The following SPAG17 variants were observed in gnomAD, a reference collection of about 807,000 sequenced individuals.
SPAG17 encodes sperm-associated antigen 17.
A neutral mutation model predicts 273.6 loss-of-function variants in SPAG17; 169 were observed. The observed-to-expected ratio is 0.62, with a 90% CI of 0.55 to 0.70. The LOEUF (loss-of-function observed/expected upper bound fraction) is 0.70, where lower values mean the gene tolerates loss of function less well. SPAG17 is among the 30% of genes least tolerant of loss of function. The probability of loss-of-function intolerance (pLI) is 0.00; values close to 1 mark genes in which losing one functional copy is unlikely to be tolerated. For missense variants in SPAG17, 2,557 were observed against 2,627.8 expected (o/e 0.97, Z 0.59); for synonymous variants, 825 against 873.2 (o/e 0.94, Z 0.97).
intron 20 of SPAG17, among the ~76,000 whole-genome samples, chr1:118,049,185 A>C (rs1260261738): frequency 6.6e-6 from 1 of 152,224 alleles, no homozygotes; most frequent in Non-Finnish European, 1.5e-5. Context: ...CCTATGAAAA[A>C]AATTGAAGGG....
intron 10 of SPAG17, among the ~76,000 whole-genome samples, chr1:118,090,864 CAG>C (rs1295417540): frequency 6.6e-6 from 1 of 151,896 alleles, no homozygotes; most frequent in Non-Finnish European, 1.5e-5. Context: ...GCCTAGGGGA[CAG>C]AGAGAGACCC....
At position 117,996,727 on chromosome 1, in the gene SPAG17, C is replaced by G. The variant is rs781302118; in HGVS notation, c.4793G>C (p.Ser1598Thr). 17 of 1,609,340 alleles carry G rather than the reference C, an allele frequency of 1.1e-5. No homozygotes were observed. Among genetic ancestry groups the G allele is most frequent in the Non-Finnish European group, 1.4e-5 (17 of 1,178,392 alleles). Reference protein sequence around the residue: ...GNTFQVMADGSISTILPEKKL... With the variant: ...GNTFQVMADGTISTILPEKKL... ...TTTTTCAGGTAATATAGTTGATATGCTACCATCAGCCATGACCTAAGGGAT... is the reference window on the plus strand; with the variant it reads ...TTTTTCAGGTAATATAGTTGATATGGTACCATCAGCCATGACCTAAGGGAT... Residue 1598 changes from serine to threonine, a missense_variant, in exon 33 of 49, where the codon AGC becomes ACC. Physicochemically the swap from Ser to Thr is moderately conservative, Grantham distance 58. Coordinates refer to ENST00000336338, the MANE Select transcript of SPAG17 (RefSeq NM_206996.4).
intron 36 of SPAG17, among the ~76,000 whole-genome samples, chr1:117,991,794 A>T (rs930276696): frequency 1.3e-5 from 2 of 152,198 alleles, no homozygotes; most frequent in African/African-American, 4.8e-5. Context: ...CTAACTGTGC[A>T]CTTAAGTGTC....
Position 117,966,767 on chromosome 1 carries a change from G to A in SPAG17, c.6388-14C>T. ...ACCAGCTGCCACCTATAAGACACAA[G>A]GTAGCTTTAGGACCAGACAACTCTG... On this transcript the variant is annotated splice_polypyrimidine_tract_variant and intron_variant, in intron 46 of 48. Coordinates refer to ENST00000336338, the MANE Select transcript of SPAG17 (RefSeq NM_206996.4). 6.3e-7 allele frequency: 1 copy of A among 1,599,926 alleles called. No individual in the cohort carries two copies. The highest frequency in any genetic ancestry group is 1.1e-5 in the South Asian group (1 of 87,962).
At chr1:118,085,527 C>T (rs1056194905) in intron 13 of SPAG17, among the ~76,000 whole-genome samples, 18 of 152,004 alleles carry the variant, frequency 1.2e-4, no homozygotes, top group African/African-American at 4.1e-4. Flanking sequence ...CGTGCATACG[C>T]GTGCGCGCGC....
intron 1 of SPAG17, among the ~76,000 whole-genome samples, chr1:118,159,559 T>C (rs1204943355): frequency 6.6e-6 from 1 of 152,224 alleles, no homozygotes; most frequent in Admixed American, 6.5e-5. Context: ...AGGGAAATAT[T>C]CTAATTTCCT....
intron 43 of SPAG17, among the ~76,000 whole-genome samples, chr1:117,978,264 TCATC>T (rs1655350172): frequency 6.6e-6 from 1 of 152,210 alleles, no homozygotes; most frequent in South Asian, 2.1e-4. Context: ...AGGAATTCCC[TCATC>T]CATCTTCCCC....
Position 117,953,779 on chromosome 1 carries a change from T to C in SPAG17, c.*271A>G. 1.7e-6 allele frequency: 1 copy of C among 605,914 alleles called. No homozygotes were observed. Among genetic ancestry groups the C allele is most frequent in the South Asian group, 2.1e-5 (1 of 47,244 alleles). The allele number at this position is 605,914 out of a possible 1,614,324, so 37.5% of individuals were successfully genotyped here. On this transcript the variant is annotated 3_prime_UTR_variant, in exon 49 of 49. Transcript: ENST00000336338. ...TGGGACCTGCCCTATTCAGAGTGTC[T>C]AGATATCATCCCACCTGAGTCCATG...
At chr1:118,145,603 G>A (rs536084398) in intron 3 of SPAG17, among the ~76,000 whole-genome samples, 1 of 151,828 alleles carries the variant, frequency 6.6e-6, no homozygotes, top group Non-Finnish European at 1.5e-5. Flanking sequence ...CACATTTGAT[G>A]GTCTCCCGGT....
chr1:118,081,079 A>T, intron 15 of SPAG17, 22 bp downstream of exon 15: 1 of 1,551,936 alleles, frequency 6.4e-7, no homozygotes, highest in East Asian at 2.2e-5. Context: ...ACACACACAC[A>T]CACACACACA....
intron 32 of SPAG17, among the ~76,000 whole-genome samples, chr1:117,999,659 C>A (rs1378444450): frequency 1.3e-5 from 2 of 152,138 alleles, no homozygotes; most frequent in Non-Finnish European, 2.9e-5. Flanking sequence ...CCTGTGCCCA[C>A]TTTTTGATGG....
At chr1:118,147,319 C>T (rs961929304) in intron 3 of SPAG17, among the ~76,000 whole-genome samples, 12 of 152,124 alleles carry the variant, frequency 7.9e-5, no homozygotes, top group South Asian at 4.1e-4. Flanking sequence ...AGGCAATAAG[C>T]GTATATTTTC....
chr1:118,039,122 C>A (rs1213791453), intron 23 of SPAG17, among the ~76,000 whole-genome samples, 170 bp downstream of exon 23: 1 of 152,040 alleles, frequency 6.6e-6, no homozygotes. Flanking sequence ...GCTTAATATC[C>A]ATTAGGGTTC....
chr1:118,080,472 G>C lies in SPAG17; in HGVS notation c.2209+629C>G, dbSNP rs371892943. ...AAAAAGGTTTTGGGAAAAGTAATTT[G>C]ATACTACTGGAGAAGTAGGCCAAGG... On this transcript the variant is annotated intron_variant, in intron 15 of 48. Coordinates refer to ENST00000336338, the MANE Select transcript of SPAG17 (RefSeq NM_206996.4). Among the ~76,000 whole-genome samples the C allele has an allele frequency of 2.6e-4, 40 of 152,306 alleles. No homozygotes were observed. The South Asian group carries it at 2.7e-3, about 10-fold the overall frequency.
intron 28 of SPAG17, 115 bp from the exon 29 acceptor site, chr1:118,016,297 A>G (rs1461930555): frequency 2.7e-6 from 2 of 750,986 alleles, no homozygotes; most frequent in Non-Finnish European, 4.4e-6. Context: ...GGCATAGACA[A>G]TTCTAAGTGG....
chr1:118,000,242 G>A (rs1437921243), intron 32 of SPAG17, among the ~76,000 whole-genome samples: 9 of 152,178 alleles, frequency 5.9e-5, no homozygotes, highest in Admixed American at 1.3e-4. Flanking sequence ...AGTATAGTTT[G>A]AAGTCAGGTA....
chr1:118,133,841 C>A (rs1380198362), intron 3 of SPAG17, among the ~76,000 whole-genome samples: 1 of 152,116 alleles, frequency 6.6e-6, no homozygotes, highest in African/African-American at 2.4e-5. Flanking sequence ...TATTCCCTAG[C>A]CTGAATTTTG....
chr1:118,079,850 T>C (rs1350113884), intron 15 of SPAG17, among the ~76,000 whole-genome samples: 1 of 152,192 alleles, frequency 6.6e-6, no homozygotes, highest in East Asian at 1.9e-4. Context: ...TATTGTAATT[T>C]TTCCTTGACC....
chr1:117,991,545 A>C lies in SPAG17; in HGVS notation c.5362-17T>G, dbSNP rs1218980406. On this transcript the variant is annotated splice_polypyrimidine_tract_variant and intron_variant, in intron 36 of 48. Coordinates refer to ENST00000336338, the MANE Select transcript of SPAG17 (RefSeq NM_206996.4). Reference sequence around the variant, plus strand: ...TATGTAATCCTAAATCAGCAGAATAAAATACATAGACAAAAACTAGGAATT... The same window carrying C: ...TATGTAATCCTAAATCAGCAGAATACAATACATAGACAAAAACTAGGAATT... 1 of 1,466,702 alleles carries C rather than the reference A, an allele frequency of 6.8e-7. No homozygotes were observed. The highest frequency in any genetic ancestry group is 1.8e-5 in the Admixed American group (1 of 55,488). 90.9% of individuals were successfully genotyped at this position (1,466,702 alleles called of 1,614,324 possible).
Sources: allele counts gnomAD v4.1 joint callset (sites outside exome capture counted in the v4.1 genomes callset), GRCh38; gene constraint gnomAD v4.1.1; transcripts MANE v1.5; gene names NCBI Gene and HGNC (gene_info 2026-07-23, HGNC 2026-07-21).